PCDHA9: variants seen among roughly 807,000 people sequenced by gnomAD.
PCDHA9 encodes protocadherin alpha 9, also known as protocadherin alpha-9.
PCDHA9 carries 62 observed loss-of-function variants against 62.0 expected under a neutral mutation model. The observed-to-expected ratio is 1.00, with a 90% confidence interval of 0.81 to 1.23. The LOEUF (loss-of-function observed/expected upper bound fraction) is 1.23, where lower values mean the gene tolerates loss of function less well. Among genes scored for constraint, PCDHA9 ranks in the 50% most tolerant of loss-of-function variants. The probability of loss-of-function intolerance (pLI) is 0.00; values close to 1 mark genes in which losing one functional copy is unlikely to be tolerated. For missense variants in PCDHA9, 1,205 were observed against 1,249.8 expected (o/e 0.96, Z 0.54); for synonymous variants, 557 against 567.6 (o/e 0.98, Z 0.27).
chr5:140,916,831 G>A (rs1038292722), intron 1 of PCDHA9, among the ~76,000 whole-genome samples: 22 of 152,082 alleles, frequency 1.4e-4, no homozygotes, highest in Non-Finnish European at 2.9e-4. Context: ...CTATCCCTCT[G>A]GTTCTGAGCC....
intron 1 of PCDHA9, among the ~76,000 whole-genome samples, chr5:140,975,124 C>T (rs560299893): frequency 6.6e-6 from 1 of 152,268 alleles, no homozygotes; most frequent in African/African-American, 2.4e-5. Flanking sequence ...TTCCTACTTA[C>T]TATTGGCCTG....
chr5:140,979,002 G>A lies in PCDHA9; in HGVS notation c.2448G>A (p.Met816Ile). 6.2e-7 allele frequency: 1 copy of A among 1,614,130 alleles called. No homozygotes were observed. The highest frequency in any genetic ancestry group is 8.5e-7 in the Non-Finnish European group (1 of 1,180,014). ...WRYSASLRAG[M>I]HSSVHLEEAG... ...ACTCTGCCTCCCTGAGAGCAGGCAT[G>A]CACAGGTATGTATTTCCCTCCTCAT... The change falls in exon 2 of 4, where the codon ATG becomes ATA. Residue 816 changes from methionine (M) to isoleucine (I), a missense_variant. Around this residue, in one of 3 missense-constraint regions of PCDHA9, gnomAD observed 887 missense variants for 809.5 expected, o/e 1.10. Transcript: ENST00000532602.
chr5:140,922,765 A>T (rs1346337086), intron 1 of PCDHA9, among the ~76,000 whole-genome samples: 1 of 152,258 alleles, frequency 6.6e-6, no homozygotes, highest in Non-Finnish European at 1.5e-5. Flanking sequence ...TAAAGAATTT[A>T]AAAGAACTGG....
intron 1 of PCDHA9, among the ~76,000 whole-genome samples, chr5:140,898,053 A>C (rs1444652933): frequency 1.3e-5 from 2 of 151,746 alleles, no homozygotes; most frequent in Admixed American, 1.3e-4. Context: ...TTTTTCTTGT[A>C]AATTTGTTTG....
At chr5:140,995,106 G>C (rs1318120210) in intron 3 of PCDHA9, among the ~76,000 whole-genome samples, 6 of 152,180 alleles carry the variant, frequency 3.9e-5, no homozygotes, top group East Asian at 1.9e-4. Context: ...TACATTCCAA[G>C]ACCCTCAGTG....
chr5:140,937,544 G>A (rs1584916814), intron 1 of PCDHA9, among the ~76,000 whole-genome samples: 1 of 151,510 alleles, frequency 6.6e-6, no homozygotes, highest in South Asian at 2.1e-4. Flanking sequence ...TTGAACCTGC[G>A]AGGCAGAGGT....
At chr5:140,882,511 T>C (rs782672669) in intron 1 of PCDHA9, 2 of 1,614,128 alleles carry the variant, frequency 1.2e-6, no homozygotes, top group Admixed American at 3.3e-5. Flanking sequence ...ATCTGCAGAA[T>C]GGCATTTTGT....
At chr5:140,998,274 T>C (rs2097804171) in intron 3 of PCDHA9, among the ~76,000 whole-genome samples, 1 of 152,162 alleles carries the variant, frequency 6.6e-6, no homozygotes, top group African/African-American at 2.4e-5. Flanking sequence ...CTGACACCCA[T>C]AGGATTAAAT....
intron 1 of PCDHA9, among the ~76,000 whole-genome samples, chr5:140,947,921 C>A (rs1327858146): frequency 6.6e-6 from 1 of 151,536 alleles, no homozygotes; most frequent in African/African-American, 2.4e-5. Context: ...CTTGCCTTAA[C>A]CCTGATCTTA....
intron 1 of PCDHA9, among the ~76,000 whole-genome samples, chr5:140,953,105 G>A (rs191289853): frequency 5.3e-5 from 8 of 152,214 alleles, no homozygotes; most frequent in Non-Finnish European, 1.2e-4. Flanking sequence ...ATGAGATTTG[G>A]GCAGGGACAC....
In PCDHA9 at chr5:141,010,220, C is replaced by T. The variant is rs114341618; in HGVS notation, c.*283C>T. ...CTCCTCCGCCGCAAAGGAGAGGCTT[C>T]CCAGCCCCGCCAGTGAGAGGTTGGA... On this transcript the variant is annotated 3_prime_UTR_variant, in exon 4 of 4. Coordinates refer to ENST00000532602, the MANE Select transcript of PCDHA9 (RefSeq NM_031857.2). 2,711 of 1,551,728 alleles carry T rather than the reference C, an allele frequency of 1.7e-3. 46 individuals are homozygous for T. The African/African-American group carries it at 0.034, about 19-fold the overall frequency.
chr5:140,997,375 G>A (rs983164883), intron 3 of PCDHA9, among the ~76,000 whole-genome samples: 1 of 152,066 alleles, frequency 6.6e-6, no homozygotes, highest in Non-Finnish European at 1.5e-5. Flanking sequence ...AGATGATATA[G>A]CATACTACAC....
chr5:140,897,281 C>T lies in PCDHA9; in HGVS notation c.2394+46392C>T, dbSNP rs1583262674. On this transcript the variant is annotated intron_variant, in intron 1 of 3. Coordinates refer to ENST00000532602, the MANE Select transcript of PCDHA9 (RefSeq NM_031857.2). ...ATGTGCCATGCTGGTGTGCTGCACC[C>T]ATTAACTCGTCATTTAGCATTAGGT... Among the ~76,000 whole-genome samples, 6 of 151,664 alleles carry T rather than the reference C, an allele frequency of 4.0e-5. No homozygotes were observed. In the South Asian group the frequency reaches 1.2e-3, roughly 32 times the overall value.
intron 1 of PCDHA9, chr5:140,926,588 C>A: frequency 3.4e-6 from 1 of 293,528 alleles, no homozygotes; most frequent in Admixed American, 5.0e-5. Context: ...CTCTCGCGCC[C>A]GGGCGGGCGG....
At chr5:140,858,377 T>C in intron 1 of PCDHA9, 3 of 1,587,044 alleles carry the variant, frequency 1.9e-6, no homozygotes, top group Non-Finnish European at 2.6e-6. Flanking sequence ...CCTTCCACCA[T>C]GCCCAATGGT....
chr5:140,985,421 G>T (rs1554247049), intron 3 of PCDHA9, among the ~76,000 whole-genome samples: 1 of 152,110 alleles, frequency 6.6e-6, no homozygotes, highest in African/African-American at 2.4e-5. Context: ...GGAGTGAGGA[G>T]GATTTATTAG....
At chr5:141,005,529 C>A (rs1387576846) in intron 3 of PCDHA9, among the ~76,000 whole-genome samples, 2 of 151,154 alleles carry the variant, frequency 1.3e-5, no homozygotes, top group Non-Finnish European at 2.9e-5. Context: ...CGGTGAAACC[C>A]CGTCTCTACT....
chr5:140,856,648 T>G (rs2044130273), intron 1 of PCDHA9: 1 of 1,598,174 alleles, frequency 6.3e-7, no homozygotes, highest in African/African-American at 1.3e-5. Flanking sequence ...AGCTGCTGGA[T>G]CGTGAAGAAA....
At chr5:140,959,719 A>G (rs986383146) in intron 1 of PCDHA9, among the ~76,000 whole-genome samples, 4 of 152,366 alleles carry the variant, frequency 2.6e-5, no homozygotes, top group African/African-American at 9.6e-5. Context: ...AAATTTTTAG[A>G]TAACATTATC....
Sources: allele counts gnomAD v4.1 joint callset (sites outside exome capture counted in the v4.1 genomes callset), GRCh38; gene constraint gnomAD v4.1.1; regional missense constraint gnomAD v4.1.1; transcripts MANE v1.5; gene names NCBI Gene and HGNC (gene_info 2026-07-23, HGNC 2026-07-21).